Variants in TAS2R1 observed in about 807,000 individuals in gnomAD.
TAS2R1 encodes the protein taste receptor type 2 member 1.
For synonymous variants in TAS2R1, 141 were observed against 134.2 expected, an observed-to-expected ratio of 1.05 and a Z score of -0.35; for missense variants, 370 against 353.4, an observed-to-expected ratio of 1.05 and a Z score of -0.38.
chr5:9,735,584 A>T, the TAS2R1 span, among the ~76,000 whole-genome samples: 2,048 of 150,610 alleles, frequency 0.014, 53 homozygotes, highest in African/African-American at 0.046. Context: ...GGTTTATAGA[A>T]GAGAAACTAA....
chr5:9,656,796 T>C (rs752377243), intron 2 of TAS2R1, among the ~76,000 whole-genome samples: 4 of 152,224 alleles, frequency 2.6e-5, no homozygotes, highest in Non-Finnish European at 5.9e-5. Context: ...CTCATAAAAA[T>C]GCTTAACTTT....
At chr5:9,674,064 T>G (rs1036566859) in intron 1 of TAS2R1, among the ~76,000 whole-genome samples, 24 of 152,218 alleles carry the variant, frequency 1.6e-4, no homozygotes, top group African/African-American at 5.8e-4. Context: ...AATATGGTCC[T>G]CTCAAAGTGT....
the TAS2R1 span, among the ~76,000 whole-genome samples, chr5:9,789,970 A>G: frequency 6.6e-6 from 1 of 152,254 alleles, no homozygotes; most frequent in African/African-American, 2.4e-5. Flanking sequence ...GAACTGCAGA[A>G]GAGTGTGATG....
chr5:9,870,475 A>G, the TAS2R1 span, among the ~76,000 whole-genome samples: 47,173 of 152,068 alleles, frequency 0.31, 8,290 homozygotes, highest in Non-Finnish European at 0.39. Context: ...TAGCTGTCAC[A>G]TGGTATGTCT....
chr5:9,880,956 A>C, the TAS2R1 span, among the ~76,000 whole-genome samples: 2 of 152,080 alleles, frequency 1.3e-5, no homozygotes, highest in Non-Finnish European at 2.9e-5. Flanking sequence ...GGGTTTAGGG[A>C]CAGAACTCTG....
the TAS2R1 span, among the ~76,000 whole-genome samples, chr5:9,799,956 G>A: frequency 6.6e-6 from 1 of 152,160 alleles, no homozygotes; most frequent in African/African-American, 2.4e-5. Flanking sequence ...TTGAATATAT[G>A]TTGCTCTATA....
the TAS2R1 span, among the ~76,000 whole-genome samples, chr5:9,722,737 C>A: frequency 6.6e-6 from 1 of 152,174 alleles, no homozygotes; most frequent in African/African-American, 2.4e-5. Flanking sequence ...AGAAAAATAC[C>A]TCCTGGTATT....
chr5:9,744,661 G>A, the TAS2R1 span, among the ~76,000 whole-genome samples: 1 of 152,156 alleles, frequency 6.6e-6, no homozygotes, highest in Non-Finnish European at 1.5e-5. Flanking sequence ...TATAGCTGTG[G>A]TGGGCAAAAC....
At chr5:9,834,657 C>A in the TAS2R1 span, among the ~76,000 whole-genome samples, 2 of 152,064 alleles carry the variant, frequency 1.3e-5, 1 homozygote, top group Middle Eastern at 6.3e-3. Context: ...CAGGCAATAG[C>A]TCCCTCCCCT....
chr5:9,808,044 G>A, the TAS2R1 span, among the ~76,000 whole-genome samples: 1 of 152,148 alleles, frequency 6.6e-6, no homozygotes, highest in Non-Finnish European at 1.5e-5. Flanking sequence ...ACTGGTATTA[G>A]GTAGAGACTG....
At chr5:9,720,463 A>G in the TAS2R1 span, among the ~76,000 whole-genome samples, 1 of 152,264 alleles carries the variant, frequency 6.6e-6, no homozygotes, top group Non-Finnish European at 1.5e-5. Context: ...GCCTAAGGCC[A>G]GGACTGACCC....
chr5:9,771,693 G>C, the TAS2R1 span, among the ~76,000 whole-genome samples: 1 of 151,960 alleles, frequency 6.6e-6, no homozygotes, highest in African/African-American at 2.4e-5. Context: ...CTTGTTATTT[G>C]TTATTAGTCT....
chr5:9,627,629 C>T lies in TAS2R1; in HGVS notation c.*1504G>A, dbSNP rs1053289481. ...CTGAACTTGAGAAAAAGAAAAGTGA[C>T]TTTTCATTGTCCTTTCCCCCATTCA... On this transcript the variant is annotated 3_prime_UTR_variant, in exon 1 of 1. Coordinates refer to ENST00000382492, the MANE Select transcript of TAS2R1 (RefSeq NM_019599.3). 1.4e-4 allele frequency among the ~76,000 whole-genome samples: 22 copies of T among 152,196 alleles called. 1 individual carries two copies. Among genetic ancestry groups the T allele is most frequent in the Middle Eastern group, 6.3e-3 (2 of 316 alleles).
At chr5:9,852,147 A>G in the TAS2R1 span, among the ~76,000 whole-genome samples, 1,080 of 152,320 alleles carry the variant, frequency 7.1e-3, 47 homozygotes, top group Admixed American at 0.057. Flanking sequence ...GAATTACTTT[A>G]TTTTTAATGA....
chr5:9,783,258 C>G, the TAS2R1 span, among the ~76,000 whole-genome samples: 2 of 152,214 alleles, frequency 1.3e-5, no homozygotes, highest in East Asian at 3.8e-4. Context: ...CAGGCATCTG[C>G]AAAGATAATC....
the TAS2R1 span, among the ~76,000 whole-genome samples, chr5:9,784,108 C>T: frequency 6.6e-6 from 1 of 152,292 alleles, no homozygotes; most frequent in East Asian, 1.9e-4. Context: ...ATGGTACTGA[C>T]CATTGCATGC....
the TAS2R1 span, among the ~76,000 whole-genome samples, chr5:9,807,033 G>C: frequency 6.6e-6 from 1 of 151,836 alleles, no homozygotes; most frequent in East Asian, 1.9e-4. Context: ...AATCTACAGA[G>C]AACTCAAAAA....
chr5:9,857,976 T>TG, the TAS2R1 span, among the ~76,000 whole-genome samples: 9 of 151,330 alleles, frequency 5.9e-5, no homozygotes, highest in Non-Finnish European at 1.0e-4. Context: ...ACTAGGGCCA[T>TG]GGGGGGTATT....
chr5:9,633,305 TA>T (rs143541416), upstream of TAS2R1, among the ~76,000 whole-genome samples: 7 of 94,862 alleles, frequency 7.4e-5, no homozygotes, highest in South Asian at 6.7e-4. Flanking sequence ...TATATATATA[TA>T]TATATATATA....
Sources: gnomAD v4.1 joint callset for allele counts (sites outside exome capture counted in the v4.1 genomes callset) on GRCh38, gnomAD v4.1.1 for gene constraint, MANE v1.5 for transcripts, NCBI Gene and HGNC (gene_info 2026-07-23, HGNC 2026-07-21) for gene names.